The following CDH8 variants were observed in gnomAD, a reference collection of about 807,000 sequenced individuals.
The protein encoded by CDH8 is cadherin-8.
Under a neutral mutation model 68.1 loss-of-function variants are expected in CDH8, and 17 were observed. That is an observed-to-expected ratio of 0.25 (90% CI 0.17 to 0.37). CDH8 has a LOEUF of 0.37. CDH8 is among the 10% of genes least tolerant of loss of function. The probability of loss-of-function intolerance (pLI) is 1.00; values close to 1 mark genes in which losing one functional copy is unlikely to be tolerated. For missense variants in CDH8, 763 were observed against 999.3 expected, an observed-to-expected ratio of 0.76 and a Z score of 3.19; for synonymous variants, 372 against 365.1, an observed-to-expected ratio of 1.02 and a Z score of -0.21.
chr16:61,887,408 T>G (rs980661300), intron 3 of CDH8, among the ~76,000 whole-genome samples: 1 of 152,118 alleles, frequency 6.6e-6, no homozygotes, highest in African/African-American at 2.4e-5. Context: ...CAGCAGAAAT[T>G]TATTTTCTCA....
At chr16:61,655,043 A>C (rs1467832368) in intron 11 of CDH8, among the ~76,000 whole-genome samples, 1 of 152,182 alleles carries the variant, frequency 6.6e-6, no homozygotes, top group African/African-American at 2.4e-5. Context: ...CTTTCTTTTT[A>C]TATCACCAAA....
Position 61,647,520 on chromosome 16 carries a change from A to T in CDH8, c.*6088T>A. On this transcript the variant is annotated 3_prime_UTR_variant, in exon 12 of 12. Transcript: ENST00000577390. ...AAATTGTCATGTTCCATCTTAGAGC[A>T]TAATTGTTAAAATCTTCCTCTTATT... The T allele has an allele frequency of 2.6e-6, 1 of 378,254 alleles. No homozygotes were observed. Among genetic ancestry groups the T allele is most frequent in the Non-Finnish European group, 4.8e-6 (1 of 210,040 alleles). The allele number at this position is 378,254 out of a possible 1,614,324, so 23.4% of individuals were successfully genotyped here. A position where few individuals can be genotyped will look rare whatever the true frequency, so the allele number is the denominator to read the frequency against.
intron 2 of CDH8, among the ~76,000 whole-genome samples, chr16:62,017,334 A>G (rs1193678862): frequency 2.0e-5 from 3 of 152,188 alleles, no homozygotes; most frequent in African/African-American, 7.2e-5. Context: ...ATGAAATATT[A>G]AAGGAGGAAC....
At chr16:61,664,698 G>A (rs1963631959) in intron 10 of CDH8, among the ~76,000 whole-genome samples, 1 of 150,012 alleles carries the variant, frequency 6.7e-6, no homozygotes, top group Non-Finnish European at 1.5e-5. Flanking sequence ...GATAGAAAGA[G>A]GCTTTAGAGA....
Position 61,647,768 on chromosome 16 carries a change from G to A in CDH8, c.*5840C>T. The A allele has an allele frequency of 1.4e-6, 1 of 698,210 alleles. No homozygotes were observed. The highest frequency in any genetic ancestry group is 2.6e-6 in the Non-Finnish European group (1 of 382,084). The allele number at this position is 698,210 out of a possible 1,614,324, so 43.3% of individuals were successfully genotyped here. ...TCCCAAGAAATTAACATTTGGCTTT[G>A]GTGACCTCTCATTTCCTTTTCTGGT... is the stretch of plus-strand genomic sequence containing the variant. On this transcript the variant is annotated 3_prime_UTR_variant, in exon 12 of 12. Transcript: ENST00000577390.
rs569547754 is a variant in CDH8, at chr16:61,942,890, G to A, written c.253-41417C>T. 3.9e-5 allele frequency among the ~76,000 whole-genome samples: 6 copies of A among 152,098 alleles called. No individual in the cohort carries two copies. The East Asian group carries it at 9.7e-4, about 25-fold the overall frequency. On this transcript the variant is annotated intron_variant, in intron 2 of 11. Transcript: ENST00000577390. ...AATTCAACACCAGCCTGGACAACAC[G>A]GCAAAACCGCACCTCTACAAAATAT...
chr16:61,772,483 G>C (rs1278175339), intron 8 of CDH8, among the ~76,000 whole-genome samples: 1 of 152,056 alleles, frequency 6.6e-6, no homozygotes, highest in Non-Finnish European at 1.5e-5. Flanking sequence ...AACACATGCA[G>C]TTATTGTGAA....
chr16:61,831,361 C>A (rs1962450310), intron 4 of CDH8, among the ~76,000 whole-genome samples: 1 of 151,740 alleles, frequency 6.6e-6, no homozygotes. Context: ...ACATTCATTA[C>A]CTAGCTGTGA....
chr16:61,756,453 T>C (rs925489994), intron 8 of CDH8, among the ~76,000 whole-genome samples: 2 of 152,146 alleles, frequency 1.3e-5, no homozygotes, highest in African/African-American at 2.4e-5. Flanking sequence ...AAAAGATTCC[T>C]TTTTAGATTT....
intron 2 of CDH8, among the ~76,000 whole-genome samples, chr16:61,927,361 C>T (rs1365640394): frequency 6.6e-6 from 1 of 151,974 alleles, no homozygotes; most frequent in Non-Finnish European, 1.5e-5. Context: ...TATTTTATTT[C>T]TCCTTCCTTA....
At chr16:61,771,957 T>A (rs1395212248) in intron 8 of CDH8, among the ~76,000 whole-genome samples, 1 of 151,994 alleles carries the variant, frequency 6.6e-6, no homozygotes, top group African/African-American at 2.4e-5. Flanking sequence ...TCATTCATTG[T>A]TAAATTATGG....
intron 2 of CDH8, among the ~76,000 whole-genome samples, chr16:61,954,842 T>C (rs1369720229): frequency 2.0e-5 from 3 of 152,186 alleles, no homozygotes; most frequent in East Asian, 3.8e-4. Context: ...TAAGTCCCAA[T>C]CTTTAACTGT....
chr16:62,012,212 T>C (rs761436589), intron 2 of CDH8, among the ~76,000 whole-genome samples: 29 of 152,258 alleles, frequency 1.9e-4, no homozygotes, highest in Non-Finnish European at 3.5e-4. Context: ...AGGTCATTCC[T>C]ATCTGTTGAA....
chr16:61,720,980 T>A (rs1959212476), intron 9 of CDH8, among the ~76,000 whole-genome samples: 1 of 150,694 alleles, frequency 6.6e-6, no homozygotes. Context: ...TATCTATATA[T>A]CTATATCTAT....
chr16:61,944,737 T>G (rs1184313371), intron 2 of CDH8, among the ~76,000 whole-genome samples: 1 of 152,068 alleles, frequency 6.6e-6, no homozygotes, highest in Non-Finnish European at 1.5e-5. Context: ...AGGCCAGGAT[T>G]TTCACACCAG....
chr16:61,936,207 A>G (rs987348482), intron 2 of CDH8, among the ~76,000 whole-genome samples: 1 of 152,170 alleles, frequency 6.6e-6, no homozygotes, highest in African/African-American at 2.4e-5. Flanking sequence ...AAATATTTGC[A>G]TTGAATATTT....
intron 10 of CDH8, among the ~76,000 whole-genome samples, chr16:61,699,475 T>C (rs1294208342): frequency 6.6e-6 from 1 of 152,218 alleles, no homozygotes; most frequent in Non-Finnish European, 1.5e-5. Flanking sequence ...TGCCTTTGCT[T>C]CCTTACAATT....
At chr16:61,834,259 G>A (rs530026418) in intron 4 of CDH8, among the ~76,000 whole-genome samples, 3 of 151,926 alleles carry the variant, frequency 2.0e-5, no homozygotes, top group South Asian at 2.1e-4. Context: ...GAGCCACTAA[G>A]TGTGTGTGTC....
At chr16:61,757,686 AG>A (rs1960358425) in intron 8 of CDH8, among the ~76,000 whole-genome samples, 2 of 152,260 alleles carry the variant, frequency 1.3e-5, no homozygotes, top group South Asian at 4.1e-4. Context: ...TGCAAATACC[AG>A]GCCATGGAGA....
Sources: gnomAD v4.1 joint callset for allele counts (sites outside exome capture counted in the v4.1 genomes callset) on GRCh38, gnomAD v4.1.1 for gene constraint, MANE v1.5 for transcripts, NCBI Gene and HGNC (gene_info 2026-07-23, HGNC 2026-07-21) for gene names.